ADAM9: variants seen among roughly 807,000 people sequenced by gnomAD.
ADAM9 encodes ADAM metallopeptidase domain 9.
A neutral mutation model predicts 108.1 loss-of-function variants in ADAM9; 54 were observed. The observed-to-expected ratio is 0.50, with a 90% confidence interval of 0.40 to 0.63. The LOEUF is 0.63. Among genes scored for constraint, ADAM9 ranks in the 20% least tolerant of loss-of-function variants. ADAM9 has a pLI of 0.00. For synonymous variants in ADAM9, 316 were observed against 336.0 expected, an observed-to-expected ratio of 0.94 and a Z score of 0.65; for missense variants, 830 against 997.7, an observed-to-expected ratio of 0.83 and a Z score of 2.26.
intron 11 of ADAM9, among the ~76,000 whole-genome samples, chr8:39,027,871 C>G: frequency 6.6e-6 from 1 of 151,674 alleles, no homozygotes; most frequent in Non-Finnish European, 1.5e-5. Flanking sequence ...GAGTTCAAGA[C>G]CAACCTGGGC....
At chr8:39,008,880 C>A (rs1040210874) in intron 2 of ADAM9, among the ~76,000 whole-genome samples, 2 of 152,068 alleles carry the variant, frequency 1.3e-5, no homozygotes, top group African/African-American at 4.8e-5. Context: ...CTTATTTGGA[C>A]TTTAATTTTA....
intron 20 of ADAM9, among the ~76,000 whole-genome samples, chr8:39,098,569 A>G (rs936816475): frequency 1.2e-4 from 19 of 152,250 alleles, no homozygotes; most frequent in Admixed American, 1.1e-3. Flanking sequence ...CTAGTTTTAT[A>G]GTACATTTAA....
At chr8:39,045,303 C>CATATGTAT (rs1837670838) in intron 12 of ADAM9, among the ~76,000 whole-genome samples, 1 of 102,044 alleles carries the variant, frequency 9.8e-6, no homozygotes, top group African/African-American at 4.2e-5. Flanking sequence ...TACACCTATA[C>CATATGTAT]ATGTGTGTGT....
Position 39,017,337 on chromosome 8 carries a change from G to T in ADAM9, c.529G>T (p.Val177Phe). The change falls in exon 6 of 22, where the codon GTT (valine) becomes TTT (phenylalanine). Residue 177 changes from valine (V) to phenylalanine (F), a missense_variant. Physicochemically the swap from Val to Phe is conservative, Grantham distance 50. Around this residue, in one of 3 missense-constraint regions of ADAM9, gnomAD observed 211 missense variants for 222.2 expected, o/e 0.95. Coordinates refer to ENST00000487273, the MANE Select transcript of ADAM9 (RefSeq NM_003816.3). ...DVYKEPLKCG[V>F]SNKDIEKETA... ...CTACAAAGAGCCTCTGAAATGTGGAGTTTCCAACAAGGATATAGAGAAAGA... is the reference window on the plus strand; with the variant it reads ...CTACAAAGAGCCTCTGAAATGTGGATTTTCCAACAAGGATATAGAGAAAGA... The T allele has an allele frequency of 6.2e-7, 1 of 1,614,126 alleles. No homozygotes were observed. The highest frequency in any genetic ancestry group is 8.5e-7 in the Non-Finnish European group (1 of 1,180,024).
At chr8:39,048,102 G>A (rs1367578960) in intron 12 of ADAM9, among the ~76,000 whole-genome samples, 1 of 151,978 alleles carries the variant, frequency 6.6e-6, no homozygotes, top group East Asian at 1.9e-4. Flanking sequence ...TGTATTTTTA[G>A]TAGAGATGGG....
chr8:39,036,229 T>C (rs963148748), intron 11 of ADAM9, among the ~76,000 whole-genome samples: 18 of 152,308 alleles, frequency 1.2e-4, no homozygotes, highest in African/African-American at 2.6e-4. Context: ...TGAGTTGCTC[T>C]TCCTGGGAGG....
At chr8:39,016,944 A>C (rs1256180391) in intron 5 of ADAM9, 1 of 440,808 alleles carries the variant, frequency 2.3e-6, no homozygotes, top group Non-Finnish European at 4.2e-6. Context: ...CGGATGCCAC[A>C]TTCTTAGCCA....
chr8:39,101,401 G>A (rs1452656880), intron 20 of ADAM9, among the ~76,000 whole-genome samples: 1 of 152,120 alleles, frequency 6.6e-6, no homozygotes, highest in Non-Finnish European at 1.5e-5. Flanking sequence ...ACTTATATGT[G>A]AATAAATCTA....
chr8:39,090,005 G>C, intron 18 of ADAM9, 42 bp from the exon 19 acceptor site: 12 of 1,601,164 alleles, frequency 7.5e-6, no homozygotes, highest in Non-Finnish European at 1.0e-5. Context: ...TTTCTGCCTA[G>C]TATGAGTTTG....
chr8:39,081,854 C>T (rs1409398717), intron 16 of ADAM9, among the ~76,000 whole-genome samples: 1 of 152,168 alleles, frequency 6.6e-6, no homozygotes, highest in African/African-American at 2.4e-5. Context: ...TAGCACTCAA[C>T]AGTCTTTTAA....
rs780950986 is a variant in ADAM9 at position 39,023,231 on chromosome 8, G to T, written c.820G>T (p.Val274Phe). 6 of 1,613,714 alleles carry T rather than the reference G, an allele frequency of 3.7e-6. No individual in the cohort carries two copies. The Admixed American group carries it at 1.0e-4, about 27-fold the overall frequency. Residue 274 changes from valine to phenylalanine, a missense_variant, in exon 9 of 22, where the codon GTT (valine) becomes TTT (phenylalanine). This residue lies in a region of ADAM9 where 381 missense variants were observed against 539.8 expected (regional missense o/e 0.71). Coordinates refer to ENST00000487273, the MANE Select transcript of ADAM9 (RefSeq NM_003816.3). Reference protein sequence around the residue: ...IWTNGNLINIVGGAGDVLGNF... With the variant: ...IWTNGNLINIFGGAGDVLGNF... Reference sequence around the variant, plus strand: ...GACCAATGGAAACCTGATCAACATAGTTGGGGGTGCTGGTGATGTGCTGGG... The same window carrying T: ...GACCAATGGAAACCTGATCAACATATTTGGGGGTGCTGGTGATGTGCTGGG...
chr8:39,004,846 G>A (rs999323561), intron 1 of ADAM9, among the ~76,000 whole-genome samples: 1 of 152,190 alleles, frequency 6.6e-6, no homozygotes, highest in Non-Finnish European at 1.5e-5. Context: ...CATATAATGA[G>A]CAGTGAGGAC....
intron 11 of ADAM9, among the ~76,000 whole-genome samples, chr8:39,034,094 T>C (rs1837192034): frequency 1.3e-5 from 2 of 152,198 alleles, no homozygotes; most frequent in Admixed American, 6.5e-5. Flanking sequence ...GTTCTTGTTA[T>C]GTTGCCCAGG....
chr8:39,027,426 A>G lies in ADAM9; in HGVS notation c.1130+616A>G, dbSNP rs1836957349. ...TACAGGCACTATTGTAGCCATTTAA[A>G]ACGTATCCACTCACTTACTACTCAT... On this transcript the variant is annotated intron_variant, in intron 11 of 21. Coordinates refer to ENST00000487273, the MANE Select transcript of ADAM9 (RefSeq NM_003816.3). Among the ~76,000 whole-genome samples, 4 of 152,186 alleles carry G rather than the reference A, an allele frequency of 2.6e-5. No homozygotes were observed. The South Asian group carries it at 8.3e-4, about 32-fold the overall frequency.
intron 15 of ADAM9, among the ~76,000 whole-genome samples, chr8:39,073,282 G>T (rs912877867): frequency 6.6e-6 from 1 of 152,128 alleles, no homozygotes; most frequent in Non-Finnish European, 1.5e-5. Context: ...AGTTATGATT[G>T]TGGATTTGTC....
chr8:39,033,979 G>T (rs141399286), intron 11 of ADAM9, among the ~76,000 whole-genome samples: 2 of 152,238 alleles, frequency 1.3e-5, no homozygotes, highest in African/African-American at 4.8e-5. Context: ...CATCTATTGT[G>T]TATCAGTTAA....
At chr8:39,050,925 A>G (rs558095006) in intron 12 of ADAM9, among the ~76,000 whole-genome samples, 29 of 142,598 alleles carry the variant, frequency 2.0e-4, no homozygotes, top group African/African-American at 7.1e-4. Flanking sequence ...AACCACCTTC[A>G]TTCTTTGTAG....
At chr8:39,091,177 T>C in intron 19 of ADAM9, 82 bp from the exon 20 acceptor site, 1 of 1,336,982 alleles carries the variant, frequency 7.5e-7, no homozygotes, top group South Asian at 1.2e-5. Flanking sequence ...ATTCTGTATT[T>C]GGGAAAATGC....
intron 12 of ADAM9, among the ~76,000 whole-genome samples, chr8:39,046,207 C>G (rs1167260237): frequency 1.3e-5 from 2 of 152,168 alleles, no homozygotes; most frequent in Non-Finnish European, 2.9e-5. Context: ...AGCTTATTCA[C>G]AAATGTTTTG....
Sources: allele counts gnomAD v4.1 joint callset (sites outside exome capture counted in the v4.1 genomes callset), GRCh38; gene constraint gnomAD v4.1.1; regional missense constraint gnomAD v4.1.1; transcripts MANE v1.5; gene names NCBI Gene and HGNC (gene_info 2026-07-23, HGNC 2026-07-21).